Variants in EYS observed in about 807,000 individuals in gnomAD.
EYS encodes protein eyes shut homolog.
EYS carries 250 observed loss-of-function variants against 282.1 expected under a neutral mutation model. The ratio of observed to expected loss-of-function variants is 0.89; its 90% CI spans 0.80 to 0.98. The LOEUF is 0.98. Ranked by LOEUF, EYS falls within the 50% of genes least tolerant of loss-of-function variation. The pLI is 0.00. For missense variants in EYS, 4,016 were observed against 3,709.0 expected, an observed-to-expected ratio of 1.08 and a Z score of -2.15; for synonymous variants, 1,355 against 1,282.9, an observed-to-expected ratio of 1.06 and a Z score of -1.20.
intron 31 of EYS, among the ~76,000 whole-genome samples, chr6:64,156,004 G>A (rs1361271594): frequency 6.7e-6 from 1 of 150,266 alleles, no homozygotes; most frequent in Non-Finnish European, 1.5e-5. Flanking sequence ...GTGTGTGTGT[G>A]TGTATGTGTG....
chr6:65,109,906 A>G (rs1256335983), intron 12 of EYS, among the ~76,000 whole-genome samples: 1 of 152,140 alleles, frequency 6.6e-6, no homozygotes, highest in African/African-American at 2.4e-5. Context: ...TTGTTCACTC[A>G]ATTCCTACTG....
chr6:64,156,208 A>T (rs1774917107), intron 31 of EYS, among the ~76,000 whole-genome samples: 1 of 152,034 alleles, frequency 6.6e-6, no homozygotes, highest in Non-Finnish European at 1.5e-5. Context: ...GGTTTCCCCC[A>T]TACAGTTCTC....
chr6:64,234,055 T>C (rs1766511467), intron 30 of EYS, among the ~76,000 whole-genome samples: 1 of 152,120 alleles, frequency 6.6e-6, no homozygotes, highest in South Asian at 2.1e-4. Context: ...GCTTCTCAAG[T>C]ACAGAAGTAG....
At position 64,597,434 on chromosome 6, in the gene EYS, C is replaced by T. The variant is rs945438497; in HGVS notation, c.3685-4125G>A. 2.6e-5 allele frequency among the ~76,000 whole-genome samples: 4 copies of T among 152,180 alleles called. No individual in the cohort carries two copies. In the South Asian group the frequency reaches 6.2e-4, roughly 24 times the overall value. Reference sequence around the variant, plus strand: ...TGTATTTATATGTTTATCACAGCACCGTTCACAATAGCAAAGATGTGGAAT... The same window carrying T: ...TGTATTTATATGTTTATCACAGCACTGTTCACAATAGCAAAGATGTGGAAT... On this transcript the variant is annotated intron_variant, in intron 24 of 42. Coordinates refer to ENST00000503581, the MANE Select transcript of EYS (RefSeq NM_001142800.2).
intron 12 of EYS, among the ~76,000 whole-genome samples, chr6:65,216,359 T>C (rs1189539499): frequency 6.6e-6 from 1 of 152,050 alleles, no homozygotes; most frequent in Non-Finnish European, 1.5e-5. Context: ...AAGTTATTTA[T>C]AGTGTGAATA....
intron 22 of EYS, among the ~76,000 whole-genome samples, chr6:64,763,338 T>C (rs201819820): frequency 7.2e-5 from 11 of 152,244 alleles, no homozygotes; most frequent in African/African-American, 2.6e-4. Context: ...CTTACAATCA[T>C]GGCAGAGGGC....
At chr6:64,272,959 A>C (rs1057324639) in intron 30 of EYS, among the ~76,000 whole-genome samples, 1 of 152,148 alleles carries the variant, frequency 6.6e-6, no homozygotes, top group African/African-American at 2.4e-5. Context: ...CCAGACTAAA[A>C]TATCTTATTC....
intron 26 of EYS, among the ~76,000 whole-genome samples, chr6:64,534,395 G>A (rs1328440993): frequency 5.3e-5 from 8 of 151,894 alleles, no homozygotes; most frequent in Admixed American, 3.9e-4. Context: ...TATGTGAAAC[G>A]AACAAATGAA....
At chr6:63,831,985 G>A (rs1206671054) in intron 36 of EYS, among the ~76,000 whole-genome samples, 4 of 152,158 alleles carry the variant, frequency 2.6e-5, no homozygotes, top group Admixed American at 1.3e-4. Flanking sequence ...ATAACGAAAT[G>A]AAGGCAGAAA....
At chr6:65,130,116 T>C (rs544115259) in intron 12 of EYS, among the ~76,000 whole-genome samples, 6 of 151,654 alleles carry the variant, frequency 4.0e-5, no homozygotes, top group East Asian at 1.9e-4. Context: ...TAAGTATACA[T>C]AGAGATAAAA....
chr6:64,108,147 A>G (rs957602067), intron 31 of EYS, among the ~76,000 whole-genome samples: 1 of 152,078 alleles, frequency 6.6e-6, no homozygotes, highest in Non-Finnish European at 1.5e-5. Context: ...TGAGGACCTG[A>G]TAGGGTTACT....
intron 19 of EYS, among the ~76,000 whole-genome samples, chr6:64,883,483 T>A (rs12661034): frequency 0.038 from 5,678 of 150,228 alleles, 191 homozygotes; most frequent in East Asian, 0.17. Flanking sequence ...AATGTAGACA[T>A]GACTACATGT....
intron 1 of EYS, among the ~76,000 whole-genome samples, chr6:65,698,320 T>C (rs1244112859): frequency 6.6e-6 from 1 of 152,184 alleles, no homozygotes; most frequent in Non-Finnish European, 1.5e-5. Context: ...ATGAAGTTTT[T>C]GTCATAATGC....
intron 24 of EYS, among the ~76,000 whole-genome samples, chr6:64,609,962 G>C (rs931031510): frequency 6.6e-6 from 1 of 151,390 alleles, no homozygotes; most frequent in African/African-American, 2.4e-5. Context: ...AAAATAAATG[G>C]ATATTGCATT....
At chr6:63,854,149 G>A (rs977254596) in intron 36 of EYS, among the ~76,000 whole-genome samples, 1 of 152,144 alleles carries the variant, frequency 6.6e-6, no homozygotes, top group East Asian at 1.9e-4. Context: ...AAAGACACAT[G>A]CATACCTATG....
chr6:64,313,054 C>T (rs1422620374), intron 29 of EYS, among the ~76,000 whole-genome samples: 1 of 152,186 alleles, frequency 6.6e-6, no homozygotes, highest in Non-Finnish European at 1.5e-5. Flanking sequence ...AAGAAGTAGG[C>T]TTCAGAAGGT....
chr6:64,674,752 A>ACACG (rs1313227494), intron 22 of EYS, among the ~76,000 whole-genome samples: 1 of 148,294 alleles, frequency 6.7e-6, no homozygotes, highest in Non-Finnish European at 1.5e-5. Context: ...ACACACACAC[A>ACACG]CGCATATATA....
At chr6:64,644,720 A>G (rs1050724027) in intron 22 of EYS, among the ~76,000 whole-genome samples, 1 of 152,166 alleles carries the variant, frequency 6.6e-6, no homozygotes, top group Non-Finnish European at 1.5e-5. Context: ...ATTTCAGCCT[A>G]CCTGAATTGA....
chr6:64,469,721 G>A (rs924280609), intron 26 of EYS, among the ~76,000 whole-genome samples: 2 of 151,928 alleles, frequency 1.3e-5, no homozygotes, highest in African/African-American at 2.4e-5. Flanking sequence ...CTTTCCCTGG[G>A]GGAGTTTAGA....
Sources: gnomAD v4.1 joint callset for allele counts (sites outside exome capture counted in the v4.1 genomes callset) on GRCh38, gnomAD v4.1.1 for gene constraint, MANE v1.5 for transcripts, NCBI Gene and HGNC (gene_info 2026-07-23, HGNC 2026-07-21) for gene names.